The following PLCB4 variants were observed in gnomAD, a reference collection of about 807,000 sequenced individuals.
PLCB4 encodes 1-phosphatidylinositol 4,5-bisphosphate phosphodiesterase beta-4.
A neutral mutation model predicts 178.8 loss-of-function variants in PLCB4; 77 were observed. The observed-to-expected ratio is 0.43, with a 90% confidence interval of 0.36 to 0.52. The LOEUF is 0.52. Among genes scored for constraint, PLCB4 ranks in the 20% least tolerant of loss-of-function variants. The probability of loss-of-function intolerance (pLI) is 0.00; values close to 1 mark genes in which losing one functional copy is unlikely to be tolerated. For synonymous variants in PLCB4, 496 were observed against 490.8 expected (o/e 1.01, Z -0.14); for missense variants, 1,024 against 1,453.4 (o/e 0.70, Z 4.80).
intron 3 of PLCB4, among the ~76,000 whole-genome samples, chr20:9,284,557 T>TG (rs2094521075): frequency 6.6e-6 from 1 of 151,846 alleles, no homozygotes; most frequent in Non-Finnish European, 1.5e-5. Flanking sequence ...AAGAAAGAGT[T>TG]GGGGGAGAGG....
intron 30 of PLCB4, among the ~76,000 whole-genome samples, chr20:9,438,945 A>T (rs1206816056): frequency 2.0e-5 from 3 of 152,244 alleles, no homozygotes; most frequent in Admixed American, 6.5e-5. Flanking sequence ...AAACAAGGCT[A>T]TAAGGAAGAT....
chr20:9,476,943 G>A (rs1038375171), intron 39 of PLCB4, among the ~76,000 whole-genome samples, 190 bp downstream of exon 39: 4 of 152,136 alleles, frequency 2.6e-5, no homozygotes, highest in African/African-American at 9.7e-5. Context: ...TAAGTCTTTA[G>A]AGAATTACTT....
chr20:9,434,593 C>T (rs2041645111), intron 28 of PLCB4, among the ~76,000 whole-genome samples: 1 of 152,152 alleles, frequency 6.6e-6, no homozygotes, highest in Admixed American at 6.5e-5. Flanking sequence ...CTAGGCTGGT[C>T]TTGAACTCGT....
At chr20:9,274,701 CTG>C (rs954144560) in intron 3 of PLCB4, among the ~76,000 whole-genome samples, 4 of 152,058 alleles carry the variant, frequency 2.6e-5, no homozygotes, top group African/African-American at 7.2e-5. Context: ...GCATCAGAAA[CTG>C]TGTTTCTCTT....
intron 3 of PLCB4, among the ~76,000 whole-genome samples, chr20:9,259,554 A>G (rs1406112502): frequency 1.3e-5 from 2 of 152,200 alleles, no homozygotes; most frequent in Non-Finnish European, 2.9e-5. Flanking sequence ...GTAAAAGTCA[A>G]TTAAAAAACG....
chr20:9,437,139 G>A lies in PLCB4; in HGVS notation c.2751G>A (p.Val917=). 1 of 1,613,784 alleles carries A rather than the reference G, an allele frequency of 6.2e-7. No individual in the cohort carries two copies. Among genetic ancestry groups the A allele is most frequent in the South Asian group, 1.1e-5 (1 of 91,056 alleles). Reference sequence around the variant, plus strand: ...CCACGGCTGCCCTGGCCTCTGGTGTGGAAGCCAAGAAAGGTGAGAGAGAGC... The same window carrying A: ...CCACGGCTGCCCTGGCCTCTGGTGTAGAAGCCAAGAAAGGTGAGAGAGAGC... ...PTTTAALASG[V]EAKKGIELIP... Residue 917 remains valine, a synonymous_variant, in exon 30 of 40, where the codon GTG becomes GTA. Coordinates refer to ENST00000378473, the MANE Select transcript of PLCB4 (RefSeq NM_001377142.1).
chr20:9,117,705 C>T lies in PLCB4; in HGVS notation c.-79+21363C>T, dbSNP rs1370728557. Among the ~76,000 whole-genome samples, 3 of 152,142 alleles carry T rather than the reference C, an allele frequency of 2.0e-5. No homozygotes were observed. The East Asian group carries it at 5.8e-4, about 29-fold the overall frequency. ...TCTCCTGTGCCTCGGCTACACTGGC[C>T]TTCTTGCTGTTGCTGAAACTTGCTT... On this transcript the variant is annotated intron_variant, in intron 2 of 39. Coordinates refer to ENST00000378473, the MANE Select transcript of PLCB4 (RefSeq NM_001377142.1).
chr20:9,317,777 C>A (rs1311003847), intron 4 of PLCB4, among the ~76,000 whole-genome samples: 1 of 152,090 alleles, frequency 6.6e-6, no homozygotes, highest in East Asian at 1.9e-4. Flanking sequence ...CTGCCAGCTG[C>A]ACAAAGAAAG....
At chr20:9,250,205 C>G (rs1391888394) in intron 3 of PLCB4, among the ~76,000 whole-genome samples, 3 of 152,142 alleles carry the variant, frequency 2.0e-5, no homozygotes, top group South Asian at 2.1e-4. Flanking sequence ...TTCCTTGAAG[C>G]CTTGCAAGCT....
chr20:9,265,298 C>T (rs573652784), intron 3 of PLCB4, among the ~76,000 whole-genome samples: 4 of 152,142 alleles, frequency 2.6e-5, no homozygotes, highest in South Asian at 4.2e-4. Flanking sequence ...GCCTGGCCAA[C>T]GTGGCAAAAC....
At chr20:9,113,285 A>C (rs1055836448) in intron 2 of PLCB4, among the ~76,000 whole-genome samples, 1 of 152,202 alleles carries the variant, frequency 6.6e-6, no homozygotes, top group Non-Finnish European at 1.5e-5. Context: ...GGCACCTCCA[A>C]GAATGCTTCC....
At chr20:9,178,840 G>A (rs1490035381) in intron 2 of PLCB4, among the ~76,000 whole-genome samples, 1 of 151,752 alleles carries the variant, frequency 6.6e-6, no homozygotes, top group Admixed American at 6.6e-5. Flanking sequence ...AATTTTGCAG[G>A]GGAGGTAGAA....
chr20:9,162,503 G>T (rs1242484834), intron 2 of PLCB4, among the ~76,000 whole-genome samples: 1 of 152,064 alleles, frequency 6.6e-6, no homozygotes, highest in African/African-American at 2.4e-5. Context: ...GATTCAATAT[G>T]CTATTCGGAG....
intron 2 of PLCB4, among the ~76,000 whole-genome samples, chr20:9,145,709 A>C (rs933233150): frequency 6.6e-6 from 1 of 152,038 alleles, no homozygotes; most frequent in Non-Finnish European, 1.5e-5. Context: ...TGCAATATTC[A>C]TTGATCATCT....
chr20:9,441,910 CTT>C (rs11476975), intron 30 of PLCB4, among the ~76,000 whole-genome samples: 59 of 148,836 alleles, frequency 4.0e-4, no homozygotes, highest in Middle Eastern at 3.5e-3. Flanking sequence ...ACCAACACGA[CTT>C]TTTTTTTTTT....
intron 28 of PLCB4, among the ~76,000 whole-genome samples, chr20:9,434,290 T>A (rs919790549): frequency 1.3e-5 from 2 of 152,196 alleles, no homozygotes; most frequent in Non-Finnish European, 2.9e-5. Flanking sequence ...CTTCTGGGCG[T>A]AGGATTGGCA....
At chr20:9,416,542 G>A (rs1003195199) in intron 25 of PLCB4, among the ~76,000 whole-genome samples, 1 of 152,134 alleles carries the variant, frequency 6.6e-6, no homozygotes, top group Non-Finnish European at 1.5e-5. Flanking sequence ...GAAAGCTGGT[G>A]GGCTTCCCTC....
chr20:9,118,855 T>C (rs541184422), intron 2 of PLCB4, among the ~76,000 whole-genome samples: 23 of 152,362 alleles, frequency 1.5e-4, no homozygotes, highest in African/African-American at 5.3e-4. Context: ...TATCCTTTAC[T>C]GGAACACTAT....
chr20:9,421,599 T>A, intron 27 of PLCB4, 138 bp downstream of exon 27: 1 of 679,662 alleles, frequency 1.5e-6, no homozygotes, highest in Non-Finnish European at 2.5e-6. Flanking sequence ...CTAACTTCTG[T>A]AGCTGTCATA....
Sources: gnomAD v4.1 joint callset for allele counts (sites outside exome capture counted in the v4.1 genomes callset) on GRCh38, gnomAD v4.1.1 for gene constraint, MANE v1.5 for transcripts, NCBI Gene and HGNC (gene_info 2026-07-23, HGNC 2026-07-21) for gene names.